Variants in KSR2 observed in about 807,000 individuals in gnomAD.
KSR2 encodes the protein kinase suppressor of ras 2.
KSR2 carries 25 observed loss-of-function variants against 107.8 expected under a neutral mutation model. The observed-to-expected ratio is 0.23, with a 90% CI of 0.17 to 0.32. KSR2 has a LOEUF of 0.32. Ranked by LOEUF, KSR2 falls within the 10% of genes least tolerant of loss-of-function variation. KSR2 has a pLI of 1.00. For missense variants in KSR2, 887 were observed against 1,268.9 expected (o/e 0.70, Z 4.57); for synonymous variants, 480 against 507.0 (o/e 0.95, Z 0.71).
intron 14 of KSR2, among the ~76,000 whole-genome samples, chr12:117,523,887 G>A (rs763199296): frequency 4.6e-5 from 7 of 152,100 alleles, no homozygotes; most frequent in Admixed American, 1.3e-4. Flanking sequence ...CAGGAGAATC[G>A]CTTGAACCCG....
intron 1 of KSR2, among the ~76,000 whole-genome samples, chr12:117,891,759 A>C (rs1039647181): frequency 4.6e-5 from 7 of 151,980 alleles, no homozygotes; most frequent in African/African-American, 1.7e-4. Context: ...GGCCGAGGAG[A>C]GAGGATCACT....
At chr12:117,748,752 C>T (rs183741314) in intron 4 of KSR2, among the ~76,000 whole-genome samples, 11 of 152,242 alleles carry the variant, frequency 7.2e-5, no homozygotes, top group Non-Finnish European at 1.2e-4. Flanking sequence ...TGCAATTATA[C>T]TTATGATGAC....
chr12:117,624,705 T>C (rs1418582248), intron 5 of KSR2, among the ~76,000 whole-genome samples: 1 of 152,214 alleles, frequency 6.6e-6, no homozygotes, highest in Non-Finnish European at 1.5e-5. Context: ...AGGCCATTTT[T>C]TGGTTCCATA....
At chr12:117,611,964 G>A (rs748343986) in intron 5 of KSR2, among the ~76,000 whole-genome samples, 5 of 152,202 alleles carry the variant, frequency 3.3e-5, no homozygotes, top group Non-Finnish European at 5.9e-5. Context: ...AGACTATGGG[G>A]AGGAGGGAAT....
At chr12:117,509,186 A>G (rs1873884927) in intron 14 of KSR2, among the ~76,000 whole-genome samples, 1 of 152,192 alleles carries the variant, frequency 6.6e-6, no homozygotes, top group Admixed American at 6.5e-5. Flanking sequence ...CAAAAACAAG[A>G]AAACAGAGCT....
chr12:117,647,210 A>T (rs1883688458), intron 5 of KSR2, among the ~76,000 whole-genome samples: 1 of 152,142 alleles, frequency 6.6e-6, no homozygotes, highest in South Asian at 2.1e-4. Flanking sequence ...GGTAGGAGAG[A>T]GTGAAGGGCG....
chr12:117,747,475 G>A (rs35704020), intron 4 of KSR2, among the ~76,000 whole-genome samples: 17,238 of 151,842 alleles, frequency 0.11, 1,015 homozygotes, highest in Non-Finnish European at 0.13. Flanking sequence ...GGACAAATAC[G>A]TAATGCATGT....
chr12:117,968,308 G>GGC lies in KSR2; in HGVS notation c.-54_-53insGC, dbSNP rs1555262348. On this transcript the variant is annotated 5_prime_UTR_variant, in exon 1 of 20. Coordinates refer to ENST00000339824, the MANE Select transcript of KSR2 (RefSeq NM_173598.6). ...CTCCTCCTCCCAGAGAGAAAAAAGA[G>GGC]GGGGGGGAGTAGAGGTAGTCTACCC... is the stretch of plus-strand genomic sequence containing the variant. The GGC allele has an allele frequency of 3.4e-6, 5 of 1,453,336 alleles. No individual in the cohort carries two copies. The highest frequency in any genetic ancestry group is 3.6e-6 in the Non-Finnish European group (4 of 1,109,030). 90.0% of individuals were successfully genotyped at this position (1,453,336 alleles called of 1,614,324 possible).
intron 1 of KSR2, among the ~76,000 whole-genome samples, chr12:117,879,954 C>A (rs1893973829): frequency 6.6e-6 from 1 of 152,114 alleles, no homozygotes; most frequent in Non-Finnish European, 1.5e-5. Context: ...CGAGACCAGC[C>A]TGACCAACAT....
intron 3 of KSR2, among the ~76,000 whole-genome samples, chr12:117,777,107 T>TATATAC (rs58787858): frequency 7.6e-5 from 5 of 66,154 alleles, no homozygotes; most frequent in East Asian, 1.5e-3. Flanking sequence ...TATATATATA[T>TATATAC]ACACACACAC....
chr12:117,927,986 C>T (rs959348020), intron 1 of KSR2, among the ~76,000 whole-genome samples: 15 of 152,028 alleles, frequency 9.9e-5, no homozygotes, highest in African/African-American at 9.7e-5. Context: ...AGCCATAACT[C>T]GCCACTGCCC....
chr12:117,929,458 T>C (rs967280434), intron 1 of KSR2, among the ~76,000 whole-genome samples: 4 of 152,206 alleles, frequency 2.6e-5, no homozygotes, highest in African/African-American at 4.8e-5. Flanking sequence ...TCTGCCATGA[T>C]TGTGAGGCCT....
At chr12:117,511,096 A>G (rs190063374) in intron 14 of KSR2, among the ~76,000 whole-genome samples, 70 of 152,326 alleles carry the variant, frequency 4.6e-4, no homozygotes, top group African/African-American at 1.6e-3. Flanking sequence ...TACCAACACA[A>G]AAGAAAAACT....
intron 17 of KSR2, among the ~76,000 whole-genome samples, chr12:117,474,675 G>C (rs555895478): frequency 6.6e-6 from 1 of 152,114 alleles, no homozygotes; most frequent in African/African-American, 2.4e-5. Flanking sequence ...GCATCCTGGC[G>C]CTGTGTCCTA....
chr12:117,783,428 T>G (rs1190103112), intron 3 of KSR2, among the ~76,000 whole-genome samples: 2 of 152,206 alleles, frequency 1.3e-5, no homozygotes, highest in Non-Finnish European at 2.9e-5. Flanking sequence ...TTTCCTCATC[T>G]GTAAAATGGG....
intron 1 of KSR2, among the ~76,000 whole-genome samples, chr12:117,947,802 G>A (rs940341801): frequency 2.2e-4 from 33 of 152,072 alleles, no homozygotes; most frequent in African/African-American, 4.8e-4. Context: ...ATACTTGAGC[G>A]TAAGTCTAAC....
intron 4 of KSR2, among the ~76,000 whole-genome samples, chr12:117,756,402 A>G (rs1888790900): frequency 1.3e-5 from 2 of 152,234 alleles, no homozygotes; most frequent in Admixed American, 6.5e-5. Flanking sequence ...GAATTACGCT[A>G]AATCTACTCT....
intron 7 of KSR2, 89 bp from the exon 8 acceptor site, chr12:117,558,662 GATGGGTGGATGAATGGATGGGTGA>G (rs1877879259): frequency 1.1e-6 from 1 of 895,792 alleles, no homozygotes; most frequent in Non-Finnish European, 1.9e-6. Flanking sequence ...TGGATGGGTG[GATGGGTGGATGAATGGATGGGTGA>G]ATGGATGGGT....
intron 1 of KSR2, among the ~76,000 whole-genome samples, chr12:117,881,586 A>G (rs117760226): frequency 0.014 from 2,087 of 152,342 alleles, 23 homozygotes; most frequent in Non-Finnish European, 0.017. Flanking sequence ...CTCTTTCTGT[A>G]TAATATCTTG....
Sources: gnomAD v4.1 joint callset for allele counts (sites outside exome capture counted in the v4.1 genomes callset) on GRCh38, gnomAD v4.1.1 for gene constraint, MANE v1.5 for transcripts, NCBI Gene and HGNC (gene_info 2026-07-23, HGNC 2026-07-21) for gene names.